HNRNPC: variants seen among roughly 807,000 people sequenced by gnomAD.
HNRNPC encodes heterogeneous nuclear ribonucleoproteins C1/C2.
Under a neutral mutation model 33.2 loss-of-function variants are expected in HNRNPC, and 3 were observed. The observed-to-expected ratio is 0.09, with a 90% confidence interval of 0.04 to 0.23. The LOEUF is 0.23. Ranked by LOEUF, HNRNPC falls within the 10% of genes least tolerant of loss-of-function variation. The pLI is 1.00. For synonymous variants in HNRNPC, 121 were observed against 126.7 expected (o/e 0.96, Z 0.30); for missense variants, 143 against 366.7 (o/e 0.39, Z 4.98).
At chr14:21,232,787 G>A (rs554093730) in intron 3 of HNRNPC, among the ~76,000 whole-genome samples, 11 of 152,334 alleles carry the variant, frequency 7.2e-5, no homozygotes, top group Non-Finnish European at 1.2e-4. Flanking sequence ...TGTAATCCCA[G>A]CACTTTGGGA....
chr14:21,212,826 A>G, intron 6 of HNRNPC, 134 bp downstream of exon 6: 1 of 1,142,356 alleles, frequency 8.8e-7, no homozygotes, highest in Non-Finnish European at 1.3e-6. Context: ...TACAGGCATG[A>G]GCCACCACAC....
intron 2 of HNRNPC, among the ~76,000 whole-genome samples, chr14:21,241,344 A>G (rs143929805): frequency 6.6e-6 from 1 of 152,000 alleles, no homozygotes; most frequent in South Asian, 2.1e-4. Flanking sequence ...TGCCAATTCT[A>G]TATACTAAAT....
At position 21,269,427 on chromosome 14, in the gene HNRNPC, C is replaced by G. The variant is rs1271785645; in HGVS notation, c.-192G>C. 1 of 155,402 alleles carries G rather than the reference C, an allele frequency of 6.4e-6. No homozygotes were observed. Among genetic ancestry groups the G allele is most frequent in the Non-Finnish European group, 1.4e-5 (1 of 70,102 alleles). The allele number at this position is 155,402 out of a possible 1,614,324, so 9.6% of individuals were successfully genotyped here. On this transcript the variant is annotated 5_prime_UTR_variant, in exon 1 of 9. Coordinates refer to ENST00000553300, the MANE Select transcript of HNRNPC (RefSeq NM_004500.4). ...CAGTCTTCGTCTCTTCACAAAATGGCCCCCGAGTCTCCTCTGCCGCCGAGG... is the reference window on the plus strand; with the variant it reads ...CAGTCTTCGTCTCTTCACAAAATGGGCCCCGAGTCTCCTCTGCCGCCGAGG...
chr14:21,216,788 T>G (rs1434125739), intron 5 of HNRNPC, among the ~76,000 whole-genome samples: 3 of 152,140 alleles, frequency 2.0e-5, no homozygotes, highest in African/African-American at 7.2e-5. Flanking sequence ...AACTACCAAC[T>G]GATGACAGAC....
chr14:21,243,402 C>T (rs1895591594), intron 2 of HNRNPC, among the ~76,000 whole-genome samples: 1 of 152,084 alleles, frequency 6.6e-6, no homozygotes, highest in Non-Finnish European at 1.5e-5. Flanking sequence ...AAGAGTGGGG[C>T]TTACACAGGA....
Position 21,233,956 on chromosome 14 carries a change from A to G in HNRNPC, c.238T>C (p.Leu80=). The change falls in exon 3 of 9, where the codon TTA becomes CTA. Residue 80 remains leucine, a synonymous_variant. Transcript: ENST00000553300. Reference sequence around the variant, plus strand: ...ATCAATGAAAAAATTCACTTACCTAAAACCTGGCCAGCAATCATTCTGCCA... The same window carrying G: ...ATCAATGAAAAAATTCACTTACCTAGAACCTGGCCAGCAATCATTCTGCCA... The part of the protein sequence containing the change: ...EDGRMIAGQV[L]DINLAAEPKV... 6.2e-7 allele frequency: 1 copy of G among 1,613,404 alleles called. No homozygotes were observed. The highest frequency in any genetic ancestry group is 8.5e-7 in the Non-Finnish European group (1 of 1,179,700).
chr14:21,264,121 A>C (rs967693169), intron 1 of HNRNPC: 3 of 152,218 alleles, frequency 2.0e-5, no homozygotes, highest in African/African-American at 7.2e-5. Flanking sequence ...TGGGCAAAGA[A>C]AATACAGAAA....
rs71112557 is a variant in HNRNPC at position 21,218,681 on chromosome 14, CAAAAAAAAA to C, written c.366-5573_366-5565del. 3.6e-3 allele frequency among the ~76,000 whole-genome samples: 182 copies of C among 51,252 alleles called. 1 individual carries two copies. Among genetic ancestry groups the C allele is most frequent in the African/African-American group, 0.014 (133 of 9,708 alleles). 33.6% of individuals were successfully genotyped at this position (51,252 alleles called of 152,430 possible). On this transcript the variant is annotated intron_variant, in intron 5 of 8. Transcript: ENST00000553300. ...TGGGAGACAAAGCGAAACTCTCTCT[CAAAAAAAAA>C]AAAAAAAAAAAAAAAAAACTGAAAT...
intron 2 of HNRNPC, among the ~76,000 whole-genome samples, chr14:21,253,804 G>C (rs907639042): frequency 6.6e-6 from 1 of 152,030 alleles, no homozygotes; most frequent in African/African-American, 2.4e-5. Flanking sequence ...GGTGGCTCAG[G>C]CCTGTAATCC....
rs71419116 is a variant in HNRNPC, at chr14:21,251,260, CAAAAAAAA to C, written c.-37+12043_-37+12050del. Among the ~76,000 whole-genome samples, 325 of 49,498 alleles carry C rather than the reference CAAAAAAAA, an allele frequency of 6.6e-3. 4 individuals are homozygous for C. Among genetic ancestry groups the C allele is most frequent in the African/African-American group, 0.02 (249 of 12,192 alleles). 32.5% of individuals were successfully genotyped at this position (49,498 alleles called of 152,430 possible). A position where few individuals can be genotyped will look rare whatever the true frequency, so the allele number is the denominator to read the frequency against. ...TGGACAACAGAGCAAGACTCCCTCT[CAAAAAAAA>C]AAAAAAAAAAAAAAAAGACTTCATT... On this transcript the variant is annotated intron_variant, in intron 2 of 8. Transcript: ENST00000553300.
chr14:21,226,906 G>C (rs961801487), intron 5 of HNRNPC, among the ~76,000 whole-genome samples: 1 of 127,250 alleles, frequency 7.9e-6, no homozygotes, highest in Non-Finnish European at 1.7e-5. Context: ...GGGGGGGGGG[G>C]GACAGTGATT....
chr14:21,258,658 A>G (rs1877647125), intron 2 of HNRNPC, among the ~76,000 whole-genome samples: 1 of 152,218 alleles, frequency 6.6e-6, no homozygotes, highest in Non-Finnish European at 1.5e-5. Flanking sequence ...AGTGTTTAGA[A>G]TACTTCCATA....
intron 2 of HNRNPC, among the ~76,000 whole-genome samples, chr14:21,241,652 A>C (rs1455295682): frequency 6.6e-6 from 1 of 152,160 alleles, no homozygotes; most frequent in African/African-American, 2.4e-5. Context: ...CCATTTTTGT[A>C]CCCTGCTTCC....
intron 5 of HNRNPC, among the ~76,000 whole-genome samples, chr14:21,219,505 G>A (rs992847209): frequency 2.0e-5 from 3 of 152,102 alleles, no homozygotes; most frequent in Non-Finnish European, 2.9e-5. Context: ...TCAAAAAGAC[G>A]TTTTCTAAAT....
At chr14:21,237,648 T>C (rs990676456) in intron 2 of HNRNPC, among the ~76,000 whole-genome samples, 5 of 152,242 alleles carry the variant, frequency 3.3e-5, no homozygotes, top group African/African-American at 4.8e-5. Context: ...ACTTTTAACA[T>C]GTTACGCAGA....
chr14:21,250,370 G>A (rs577216332), intron 2 of HNRNPC, among the ~76,000 whole-genome samples: 1 of 152,254 alleles, frequency 6.6e-6, no homozygotes, highest in Admixed American at 6.5e-5. Flanking sequence ...CTGGTGGAAG[G>A]TATATTAAGA....
chr14:21,246,965 ATAATATACTGAATCTGTGT>A (rs1310063567), intron 2 of HNRNPC, among the ~76,000 whole-genome samples: 2 of 152,204 alleles, frequency 1.3e-5, no homozygotes, highest in Non-Finnish European at 2.9e-5. Flanking sequence ...TATATAATGT[ATAATATACTGAATCTGTGT>A]TAATTAACTT....
intron 2 of HNRNPC, among the ~76,000 whole-genome samples, chr14:21,249,774 C>CG (rs539548417): frequency 1.2e-3 from 188 of 152,064 alleles, no homozygotes; most frequent in Middle Eastern, 3.4e-3. Context: ...GGGGGTGTTA[C>CG]GACATAAAAG....
chr14:21,231,523 C>T (rs902203990), intron 3 of HNRNPC: 21 of 399,512 alleles, frequency 5.3e-5, no homozygotes, highest in African/African-American at 3.3e-4. Flanking sequence ...TTCGTAGGGA[C>T]GAACTCTTGG....
Sources: allele counts gnomAD v4.1 joint callset (sites outside exome capture counted in the v4.1 genomes callset), GRCh38; gene constraint gnomAD v4.1.1; transcripts MANE v1.5; gene names NCBI Gene and HGNC (gene_info 2026-07-23, HGNC 2026-07-21).